Variants in THBS4 observed in about 807,000 individuals in gnomAD.
The protein encoded by THBS4 is thrombospondin-4.
In THBS4, 90 loss-of-function variants were observed where a neutral mutation model predicts 115.7. That is an observed-to-expected ratio of 0.78 (90% CI 0.66 to 0.93). The LOEUF (loss-of-function observed/expected upper bound fraction) is 0.93. THBS4 is among the 40% of genes least tolerant of loss of function. THBS4 has a pLI of 0.00. For synonymous variants in THBS4, 460 were observed against 479.3 expected (o/e 0.96, Z 0.53); for missense variants, 1,087 against 1,232.7 (o/e 0.88, Z 1.77).
At chr5:80,037,428 C>T (rs2112022175) in intron 1 of THBS4, among the ~76,000 whole-genome samples, 1 of 152,232 alleles carries the variant, frequency 6.6e-6, no homozygotes, top group East Asian at 1.9e-4. Context: ...ATTTACATAC[C>T]ATGGTAGCTG....
chr5:80,033,544 A>C (rs1192652361), upstream of THBS4, among the ~76,000 whole-genome samples: 1 of 152,188 alleles, frequency 6.6e-6, no homozygotes, highest in African/African-American at 2.4e-5. Flanking sequence ...GCATCCATTC[A>C]GGTCACAGAG....
chr5:80,014,788 T>C (rs1832214677), intron 2 of THBS4, among the ~76,000 whole-genome samples: 1 of 152,168 alleles, frequency 6.6e-6, no homozygotes, highest in African/African-American at 2.4e-5. Context: ...ACTAAGAGCT[T>C]CATTTACAGC....
chr5:80,012,916 C>T (rs767901694), intron 2 of THBS4, among the ~76,000 whole-genome samples: 5 of 152,268 alleles, frequency 3.3e-5, no homozygotes, highest in African/African-American at 7.2e-5. Context: ...CACTTGGCCC[C>T]GTCTTGGGAC....
At position 80,040,162 on chromosome 5, in the gene THBS4, CTA is replaced by C. The variant is rs1210754503; in HGVS notation, c.176_177del (p.Tyr59CysfsTer10). 5 of 1,614,184 alleles carry C rather than the reference CTA, an allele frequency of 3.1e-6. No individual in the cohort carries two copies. The highest frequency in any genetic ancestry group is 4.2e-6 in the Non-Finnish European group (5 of 1,180,032). On this transcript the variant is annotated frameshift_variant, in exon 2 of 22. Transcript: ENST00000350881. LOFTEE classifies it high-confidence loss of function. ...TGACAGACCCCGCCCTGAATGATCT[CTA>C]TGTGATTTCCACCTTCAAGCTGCAG... Reference protein sequence around the residue: ...VLTDPALNDLYVISTFKLQTK... With the variant: ...VLTDPALNDLXVISTFKLQTK...
At chr5:80,034,545 C>A (rs189554010), upstream of THBS4, among the ~76,000 whole-genome samples, 175 of 152,234 alleles carry the variant, frequency 1.1e-3, no homozygotes, top group African/African-American at 4.1e-3. Context: ...GAATTACTTG[C>A]GTTCCTCCGA....
chr5:79,994,935 G>A (rs1452360872), intron 1 of THBS4, among the ~76,000 whole-genome samples: 1 of 152,238 alleles, frequency 6.6e-6, no homozygotes, highest in Non-Finnish European at 1.5e-5. Context: ...AATGAAAGAA[G>A]ATGATAGCTG....
intron 2 of THBS4, among the ~76,000 whole-genome samples, chr5:80,047,902 C>T (rs1833125489): frequency 6.6e-6 from 1 of 152,050 alleles, no homozygotes; most frequent in Non-Finnish European, 1.5e-5. Context: ...ACCTCGGCCT[C>T]CCAAAGTGCT....
chr5:80,047,647 T>C (rs1055723749), intron 2 of THBS4, among the ~76,000 whole-genome samples: 1 of 151,380 alleles, frequency 6.6e-6, no homozygotes, highest in Non-Finnish European at 1.5e-5. Context: ...TTTTTTTTTT[T>C]TTTTGAGACA....
intron 2 of THBS4, among the ~76,000 whole-genome samples, chr5:80,006,544 G>A (rs1832023109): frequency 6.6e-6 from 1 of 152,158 alleles, no homozygotes; most frequent in Non-Finnish European, 1.5e-5. Context: ...GCGTGAAAAT[G>A]GACTAATACA....
chr5:80,079,121 G>T lies in THBS4; in HGVS notation c.2374G>T (p.Asp792Tyr). The change falls in exon 19 of 22, where the codon GAT becomes TAT. Residue 792 changes from aspartate to tyrosine, a missense_variant. Transcript: ENST00000350881. ...EGTFHVNTQT[D>Y]DDYAGFIFGY... ...GACCTTCCATGTGAATACCCAGACA[G>T]ATGATGACTATGCAGGCTTTATCTT... 6.2e-7 allele frequency: 1 copy of T among 1,614,214 alleles called. No homozygotes were observed. Among genetic ancestry groups the T allele is most frequent in the Non-Finnish European group, 8.5e-7 (1 of 1,180,028 alleles).
At chr5:80,012,271 A>C (rs1300159780) in intron 2 of THBS4, among the ~76,000 whole-genome samples, 1 of 152,204 alleles carries the variant, frequency 6.6e-6, no homozygotes, top group East Asian at 1.9e-4. Flanking sequence ...TTGGAAACTA[A>C]CATAAAGCAG....
At chr5:80,028,143 A>G (rs1345257399) in intron 2 of THBS4, among the ~76,000 whole-genome samples, 2 of 152,010 alleles carry the variant, frequency 1.3e-5, no homozygotes, top group African/African-American at 4.8e-5. Flanking sequence ...TGAACCCAGG[A>G]GTTTCAGACC....
intron 1 of THBS4, among the ~76,000 whole-genome samples, chr5:79,998,065 A>T (rs1831830468): frequency 6.6e-6 from 1 of 152,214 alleles, no homozygotes; most frequent in Non-Finnish European, 1.5e-5. Flanking sequence ...AACTCTTAAA[A>T]CTTACAACAA....
At chr5:80,013,828 G>A (rs1037543607) in intron 2 of THBS4, among the ~76,000 whole-genome samples, 5 of 152,176 alleles carry the variant, frequency 3.3e-5, no homozygotes, top group South Asian at 2.1e-4. Context: ...TGTATAATTC[G>A]TTCTTGGCAT....
At chr5:79,996,571 TG>T (rs1428180834) in intron 1 of THBS4, among the ~76,000 whole-genome samples, 1 of 152,182 alleles carries the variant, frequency 6.6e-6, no homozygotes, top group African/African-American at 2.4e-5. Flanking sequence ...TGTACAGTTG[TG>T]TGGCTTCCTC....
chr5:80,081,512 A>G (rs543956485), intron 20 of THBS4, among the ~76,000 whole-genome samples: 1 of 152,208 alleles, frequency 6.6e-6, no homozygotes, highest in Non-Finnish European at 1.5e-5. Context: ...AGACACTTGC[A>G]CCCATGCCTA....
chr5:80,070,404 TA>T lies in THBS4; in HGVS notation c.1451del (p.Lys484ArgfsTer34). The part of the protein sequence containing the change: ...EELPCSARNC[K>X]KDNCKYVPNS... ...AACTGCCATGCTCTGCCAGGAACTG[TA>T]AAAAGGTAAGGGGTGTGGGGTGGCA... On this transcript the variant is annotated frameshift_variant, in exon 11 of 22. Coordinates refer to ENST00000350881, the MANE Select transcript of THBS4 (RefSeq NM_003248.6). LOFTEE classifies it high-confidence loss of function. The T allele has an allele frequency of 1.2e-6, 2 of 1,613,940 alleles. No homozygotes were observed. Among genetic ancestry groups the T allele is most frequent in the Non-Finnish European group, 1.7e-6 (2 of 1,179,928 alleles).
intron 2 of THBS4, among the ~76,000 whole-genome samples, chr5:80,015,632 G>A (rs1832231365): frequency 2.0e-5 from 3 of 152,146 alleles, no homozygotes; most frequent in Admixed American, 2.0e-4. Flanking sequence ...TTAGTAAAAT[G>A]ATTGCTGGTT....
At position 80,073,394 on chromosome 5, in the gene THBS4, T is replaced by G. The variant is rs541772722; in HGVS notation, c.1892+67T>G. On this transcript the variant is annotated intron_variant, in intron 15 of 21. Coordinates refer to ENST00000350881, the MANE Select transcript of THBS4 (RefSeq NM_003248.6). ...TCCGGAGAGGGTTTTTGGTTTGTTT[T>G]TTTTTTTGAGGCGGAGTCTCACTCT... is the stretch of plus-strand genomic sequence containing the variant. 311 of 1,508,406 alleles carry G rather than the reference T, an allele frequency of 2.1e-4. 5 individuals are homozygous for G. Among genetic ancestry groups the G allele is most frequent in the South Asian group, 3.4e-4 (30 of 87,078 alleles). The allele number at this position is 1,508,406 out of a possible 1,614,324, so 93.4% of individuals were successfully genotyped here. A position where few individuals can be genotyped will look rare whatever the true frequency, so the allele number is the denominator to read the frequency against.
Sources: allele counts gnomAD v4.1 joint callset (sites outside exome capture counted in the v4.1 genomes callset), GRCh38; gene constraint gnomAD v4.1.1; transcripts MANE v1.5; gene names NCBI Gene and HGNC (gene_info 2026-07-23, HGNC 2026-07-21).